PAFAH1B3: variants seen among roughly 807,000 people sequenced by gnomAD.
PAFAH1B3 encodes platelet-activating factor acetylhydrolase IB subunit alpha1.
In PAFAH1B3, 15 loss-of-function variants were observed where a neutral mutation model predicts 24.4. That is an observed-to-expected ratio of 0.62 (90% CI 0.41 to 0.95). PAFAH1B3 has a LOEUF of 0.95. PAFAH1B3 is among the 40% of genes least tolerant of loss of function. PAFAH1B3 has a pLI of 0.00. For synonymous variants in PAFAH1B3, 144 were observed against 126.5 expected (o/e 1.14, Z -0.93); for missense variants, 266 against 312.2 (o/e 0.85, Z 1.12).
At chr19:42,301,068 G>A (rs2038617247) in intron 2 of PAFAH1B3, among the ~76,000 whole-genome samples, 2 of 152,194 alleles carry the variant, frequency 1.3e-5, no homozygotes, top group African/African-American at 4.8e-5. Flanking sequence ...GCCTGCCTTG[G>A]CCTCCCAAAG....
intron 4 of PAFAH1B3, among the ~76,000 whole-genome samples, chr19:42,297,862 C>T (rs909808272): frequency 1.3e-5 from 2 of 152,066 alleles, no homozygotes; most frequent in Non-Finnish European, 2.9e-5. Flanking sequence ...CGTGAGCCAC[C>T]ATGCGCGGCC....
intron 4 of PAFAH1B3, among the ~76,000 whole-genome samples, chr19:42,299,679 C>T (rs1368868461): frequency 3.3e-5 from 5 of 152,136 alleles, no homozygotes; most frequent in Non-Finnish European, 5.9e-5. Context: ...CCACCTGCCT[C>T]GGTCTCCCAA....
In PAFAH1B3 at chr19:42,302,051, C is replaced by T; in HGVS notation, c.79-12G>A. 1 of 1,561,440 alleles carries T rather than the reference C, an allele frequency of 6.4e-7. No individual in the cohort carries two copies. Among genetic ancestry groups the T allele is most frequent in the Non-Finnish European group, 8.7e-7 (1 of 1,152,686 alleles). Reference sequence around the variant, plus strand: ...ACGAACCGATGGTGCTGCGGGAGCGCGCGAGAGGGAGTCAATGGCATGCAC... The same window carrying T: ...ACGAACCGATGGTGCTGCGGGAGCGTGCGAGAGGGAGTCAATGGCATGCAC... On this transcript the variant is annotated splice_polypyrimidine_tract_variant and intron_variant, in intron 1 of 4. Transcript: ENST00000262890.
Position 42,302,615 on chromosome 19 carries a change from G to C in PAFAH1B3, c.-306C>G, listed in dbSNP as rs554696313. Reference sequence around the variant, plus strand: ...AGGCCGCGCACCCGGCACGGGGTGGGGGGAGGGAGAGGCGAGACCATCCAG... The same window carrying C: ...AGGCCGCGCACCCGGCACGGGGTGGCGGGAGGGAGAGGCGAGACCATCCAG... On this transcript the variant is annotated 5_prime_UTR_variant, in exon 1 of 5. Coordinates refer to ENST00000262890, the MANE Select transcript of PAFAH1B3 (RefSeq NM_002573.4). 3.6e-4 allele frequency: 137 copies of C among 383,658 alleles called. 1 individual carries two copies. The East Asian group carries it at 6.6e-3, about 18-fold the overall frequency. The allele number at this position is 383,658 out of a possible 1,614,324, so 23.8% of individuals were successfully genotyped here. A position where few individuals can be genotyped will look rare whatever the true frequency, so the allele number is the denominator to read the frequency against.
chr19:42,297,208 T>C lies in PAFAH1B3; in HGVS notation c.566A>G (p.Asp189Gly). 6.2e-7 allele frequency: 1 copy of C among 1,614,104 alleles called. No individual in the cohort carries two copies. The highest frequency in any genetic ancestry group is 1.1e-5 in the South Asian group (1 of 91,080). ...GCTCAGATGCAGGTAATCATACATGTCATGATGGCTGATGGTGCCATCTGA... is the reference window on the plus strand; with the variant it reads ...GCTCAGATGCAGGTAATCATACATGCCATGATGGCTGATGGTGCCATCTGA... ...VHSDGTISHH[D>G]MYDYLHLSRL... The change falls in exon 5 of 5, where the codon GAC becomes GGC. Residue 189 changes from aspartate to glycine, a missense_variant. Transcript: ENST00000262890.
At chr19:42,299,844 A>G (rs746990131) in intron 4 of PAFAH1B3, 126 bp downstream of exon 4, 3 of 1,222,176 alleles carry the variant, frequency 2.5e-6, no homozygotes, top group Non-Finnish European at 3.5e-6. Flanking sequence ...GCAAGCTCCA[A>G]CGTGAGATTC....
chr19:42,301,811 A>T, intron 2 of PAFAH1B3, 139 bp downstream of exon 2: 1 of 639,154 alleles, frequency 1.6e-6, no homozygotes. Flanking sequence ...TGCACCTTAC[A>T]CCAAGATTCT....
chr19:42,300,039 C>T lies in PAFAH1B3; in HGVS notation c.339G>A (p.Val113=), dbSNP rs1454402821. The T allele has an allele frequency of 6.2e-7, 1 of 1,614,216 alleles. No homozygotes were observed. The highest frequency in any genetic ancestry group is 1.1e-5 in the South Asian group (1 of 91,086). Residue 113 remains valine (V), a synonymous_variant, in exon 4 of 5, where the codon GTG becomes GTA. Transcript: ENST00000262890. The stretch of plus-strand genomic sequence containing the variant: ...GCACAATGGCCTTGATGCCACCAGT[C>T]ACCTGCTCTGCTGTGTGTCCGTGGT... The part of the protein sequence containing the change: ...TNNHGHTAEQ[V]TGGIKAIVQL...
At chr19:42,297,421 T>G in intron 4 of PAFAH1B3, 56 bp from the exon 5 acceptor site, 1 of 1,401,004 alleles carries the variant, frequency 7.1e-7, no homozygotes, top group Non-Finnish European at 9.6e-7. Context: ...TCTTGTTCTC[T>G]GTGCCAACCT....
intron 4 of PAFAH1B3, 164 bp downstream of exon 4, chr19:42,299,806 C>A (rs2038589709): frequency 8.9e-6 from 8 of 898,322 alleles, no homozygotes; most frequent in African/African-American, 6.6e-5. Context: ...GGAGCATATT[C>A]TCAACCACAG....
Position 42,300,300 on chromosome 19 carries a change from A to G in PAFAH1B3, c.169-13T>C. 1.2e-6 allele frequency: 2 copies of G among 1,611,862 alleles called. No homozygotes were observed. Among genetic ancestry groups the G allele is most frequent in the South Asian group, 1.1e-5 (1 of 91,028 alleles). ...GCTCGCGCCAGATCTGTGGGCAAGA[A>G]GTGGTGTGGGCAAGAAGTGGTAGGG... On this transcript the variant is annotated splice_polypyrimidine_tract_variant and intron_variant, in intron 2 of 4. Transcript: ENST00000262890.
intron 2 of PAFAH1B3, 109 bp downstream of exon 2, chr19:42,301,841 A>T: frequency 1.2e-6 from 1 of 814,306 alleles, no homozygotes; most frequent in Non-Finnish European, 2.0e-6. Context: ...GGGCTGCCTG[A>T]GGCCAATCTG....
At chr19:42,302,060 G>A in intron 1 of PAFAH1B3, 21 bp from the exon 2 acceptor site, 2 of 1,556,894 alleles carry the variant, frequency 1.3e-6, no homozygotes, top group Non-Finnish European at 1.7e-6. Flanking sequence ...GCGCGAGAGG[G>A]AGTCAATGGC....
intron 3 of PAFAH1B3, 25 bp downstream of exon 3, chr19:42,300,146 A>AGAGCCCCACCC (rs1193577911): frequency 6.2e-7 from 1 of 1,613,998 alleles, no homozygotes; most frequent in East Asian, 2.2e-5. Context: ...AAGATGTTTT[A>AGAGCCCCACCC]GAGCCCCACC....
At chr19:42,297,451 G>A (rs2038547617) in intron 4 of PAFAH1B3, 86 bp from the exon 5 acceptor site, 2 of 926,374 alleles carry the variant, frequency 2.2e-6, no homozygotes, top group East Asian at 5.9e-5. Context: ...CCACCACCAT[G>A]AAGTTTCCAG....
At chr19:42,297,794 C>T (rs1036155386) in intron 4 of PAFAH1B3, among the ~76,000 whole-genome samples, 5 of 151,864 alleles carry the variant, frequency 3.3e-5, no homozygotes, top group African/African-American at 1.2e-4. Flanking sequence ...AGGATGGTCT[C>T]GATCTCCTGA....
At chr19:42,302,091 CCCGCCCTGCTCCCTTAGGCA>C in intron 1 of PAFAH1B3, 52 bp from the exon 2 acceptor site, 1 of 1,524,306 alleles carries the variant, frequency 6.6e-7, no homozygotes, top group Non-Finnish European at 8.9e-7. Flanking sequence ...CAGGGCCCGC[CCCGCCCTGCTCCCTTAGGCA>C]GCGCCTCCTC....
At chr19:42,300,353 T>A in intron 2 of PAFAH1B3, 66 bp from the exon 3 acceptor site, 1 of 1,306,576 alleles carries the variant, frequency 7.7e-7, no homozygotes, top group Non-Finnish European at 1.1e-6. Context: ...GCATGGACCA[T>A]CCCCCTCTGT....
At chr19:42,299,448 G>C (rs562607512) in intron 4 of PAFAH1B3, among the ~76,000 whole-genome samples, 62 of 145,462 alleles carry the variant, frequency 4.3e-4, no homozygotes, top group Non-Finnish European at 7.1e-4. Flanking sequence ...TTTTTGAGAC[G>C]GAGTCTCGCT....
Sources: gnomAD v4.1 joint callset for allele counts (sites outside exome capture counted in the v4.1 genomes callset) on GRCh38, gnomAD v4.1.1 for gene constraint, MANE v1.5 for transcripts, NCBI Gene and HGNC (gene_info 2026-07-23, HGNC 2026-07-21) for gene names.